The following TMEM175 variants were observed in gnomAD, a reference collection of about 807,000 sequenced individuals.
TMEM175 encodes the protein endosomal/lysosomal proton channel TMEM175.
In TMEM175, 36 loss-of-function variants were observed where a neutral mutation model predicts 36.5. That is an observed-to-expected ratio of 0.99 (90% confidence interval 0.76 to 1.30). The LOEUF (loss-of-function observed/expected upper bound fraction) is 1.30, where lower values mean the gene tolerates loss of function less well. Among genes scored for constraint, TMEM175 ranks in the 50% most tolerant of loss-of-function variants. The pLI, the probability that TMEM175 is intolerant of heterozygous loss-of-function variation, is 0.00. For missense variants in TMEM175, 705 were observed against 692.8 expected, an observed-to-expected ratio of 1.02 and a Z score of -0.20; for synonymous variants, 339 against 313.4, an observed-to-expected ratio of 1.08 and a Z score of -0.86.
At chr4:936,106 G>A (rs994674393) in intron 1 of TMEM175, among the ~76,000 whole-genome samples, 1 of 152,096 alleles carries the variant, frequency 6.6e-6, no homozygotes, top group Admixed American at 6.6e-5. Context: ...AGGCTGAGGT[G>A]GGCAGATCAC....
At chr4:956,276 T>G in intron 10 of TMEM175, 14 of 1,245,292 alleles carry the variant, frequency 1.1e-5, no homozygotes, top group East Asian at 1.1e-4. Context: ...GTCCCTCCCA[T>G]TCCCTCCGGC....
chr4:948,240 C>G (rs774378974), intron 3 of TMEM175, 86 bp downstream of exon 3: 3 of 1,610,890 alleles, frequency 1.9e-6, no homozygotes, highest in South Asian at 1.1e-5. Context: ...GGTGCTGACC[C>G]TGCACGCCTC....
In TMEM175 at chr4:952,420, T is replaced by C. The variant is rs780274012; in HGVS notation, c.432T>C (p.Cys144=). The C allele has an allele frequency of 1.4e-5, 22 of 1,608,140 alleles. No individual in the cohort carries two copies. Among genetic ancestry groups the C allele is most frequent in the Middle Eastern group, 3.3e-4 (2 of 5,974 alleles). ...PDVPLGIFLF[C]VCVIAIGVVQ... Reference sequence around the variant, plus strand: ...TGCCTCTGGGCATCTTCTTGTTCTGTGTGTGTGTGATCGCCATTGGGGTCG... The same window carrying C: ...TGCCTCTGGGCATCTTCTTGTTCTGCGTGTGTGTGATCGCCATTGGGGTCG... Residue 144 remains cysteine (C), a synonymous_variant, in exon 7 of 11, where the codon TGT becomes TGC. Coordinates refer to ENST00000264771, the MANE Select transcript of TMEM175 (RefSeq NM_032326.4).
At position 956,424 on chromosome 4, in the gene TMEM175, C is replaced by T. The variant is rs901006640; in HGVS notation, c.842+534C>T. The T allele has an allele frequency of 3.0e-5, 39 of 1,283,282 alleles. 1 individual carries two copies. In the Middle Eastern group the frequency reaches 2.4e-3, roughly 77 times the overall value. The allele number at this position is 1,283,282 out of a possible 1,614,324, so 79.5% of individuals were successfully genotyped here. On this transcript the variant is annotated intron_variant, in intron 10 of 10. Coordinates refer to ENST00000264771, the MANE Select transcript of TMEM175 (RefSeq NM_032326.4). The stretch of plus-strand genomic sequence containing the variant: ...AGCGCGCGTCTCGTCTCAGTCGTCA[C>T]GTTTTTGGTTTTTGTGGGGTTTTTT...
intron 1 of TMEM175, among the ~76,000 whole-genome samples, chr4:945,483 C>T (rs762105178): frequency 1.3e-5 from 2 of 152,188 alleles, no homozygotes; most frequent in African/African-American, 4.8e-5. Flanking sequence ...GCTGGCCTCT[C>T]TCCGTTTCAT....
intron 3 of TMEM175, 194 bp downstream of exon 3, chr4:948,348 G>A (rs1728452441): frequency 5.2e-6 from 8 of 1,535,302 alleles, no homozygotes; most frequent in African/African-American, 4.1e-5. Context: ...TCACCCCGGC[G>A]GAGGTCCTGG....
chr4:942,640 T>C (rs1727662344), intron 1 of TMEM175, among the ~76,000 whole-genome samples: 1 of 151,502 alleles, frequency 6.6e-6, no homozygotes, highest in African/African-American at 2.4e-5. Context: ...AATTTTCTTT[T>C]TTTTTTTTTT....
At chr4:941,132 C>T (rs1727422840) in intron 1 of TMEM175, among the ~76,000 whole-genome samples, 1 of 149,972 alleles carries the variant, frequency 6.7e-6, no homozygotes, top group Non-Finnish European at 1.5e-5. Flanking sequence ...AATCCCAACA[C>T]TTTGGGAGGC....
At chr4:938,958 G>A (rs766825621) in intron 1 of TMEM175, among the ~76,000 whole-genome samples, 39 of 152,340 alleles carry the variant, frequency 2.6e-4, no homozygotes, top group Non-Finnish European at 4.3e-4. Context: ...AGACAAAATT[G>A]TGTGATTTAC....
At chr4:951,882 C>T (rs1728934521) in intron 6 of TMEM175, 165 bp downstream of exon 6, 6 of 741,020 alleles carry the variant, frequency 8.1e-6, no homozygotes, top group East Asian at 8.1e-5. Flanking sequence ...TTGGGGGCTT[C>T]TTTCAGGCTG....
At chr4:939,912 G>T (rs1002486078) in intron 1 of TMEM175, among the ~76,000 whole-genome samples, 8 of 152,196 alleles carry the variant, frequency 5.3e-5, no homozygotes, top group South Asian at 2.1e-4. Context: ...TTTCATCAGC[G>T]TGAAGAACTT....
At chr4:940,915 A>G (rs1188353673) in intron 1 of TMEM175, among the ~76,000 whole-genome samples, 2 of 151,750 alleles carry the variant, frequency 1.3e-5, no homozygotes, top group African/African-American at 4.8e-5. Flanking sequence ...CTGAGGCAGG[A>G]GAATCGCTTG....
At chr4:950,963 G>C (rs1265849758) in intron 4 of TMEM175, among the ~76,000 whole-genome samples, 3 of 151,902 alleles carry the variant, frequency 2.0e-5, no homozygotes, top group Admixed American at 6.6e-5. Context: ...TGGTGTGGAT[G>C]GTGCAGTAGG....
intron 1 of TMEM175, among the ~76,000 whole-genome samples, chr4:934,230 G>T (rs374793188): frequency 2.6e-5 from 4 of 152,354 alleles, no homozygotes; most frequent in South Asian, 4.1e-4. Context: ...GGCTCTAGGA[G>T]CTGAAGAGAG....
intron 2 of TMEM175, 30 bp downstream of exon 2, chr4:947,922 C>A (rs1728387955): frequency 3.7e-6 from 6 of 1,613,868 alleles, no homozygotes; most frequent in Non-Finnish European, 5.1e-6. Context: ...TTAGGCCTGC[C>A]CCACCCCGAG....
At chr4:954,461 G>A (rs1299847079) in intron 8 of TMEM175, among the ~76,000 whole-genome samples, 2 of 151,766 alleles carry the variant, frequency 1.3e-5, no homozygotes, top group Non-Finnish European at 2.9e-5. Context: ...CAAAAGCACT[G>A]CTGGAGACGT....
At chr4:954,262 C>T (rs1729335884) in intron 8 of TMEM175, among the ~76,000 whole-genome samples, 1 of 152,230 alleles carries the variant, frequency 6.6e-6, no homozygotes, top group African/African-American at 2.4e-5. Flanking sequence ...GCTGGGATTG[C>T]AGGCATGAGC....
chr4:954,582 G>A (rs962174727), intron 8 of TMEM175, among the ~76,000 whole-genome samples: 14 of 152,240 alleles, frequency 9.2e-5, no homozygotes, highest in African/African-American at 3.4e-4. Context: ...CATTGCTGGA[G>A]TGATGCCTCT....
chr4:951,348 C>T (rs1415906468), intron 5 of TMEM175, 90 bp downstream of exon 5: 19 of 1,439,738 alleles, frequency 1.3e-5, no homozygotes, highest in South Asian at 3.4e-5. Flanking sequence ...CGGCCTCTCT[C>T]GTGACCTCCA....
Sources: gnomAD v4.1 joint callset for allele counts (sites outside exome capture counted in the v4.1 genomes callset) on GRCh38, gnomAD v4.1.1 for gene constraint, MANE v1.5 for transcripts, NCBI Gene and HGNC (gene_info 2026-07-23, HGNC 2026-07-21) for gene names.